RASSF5: variants seen among roughly 807,000 people sequenced by gnomAD.
RASSF5 encodes Ras association domain family member 5, also known as ras association domain-containing protein 5.
Under a neutral mutation model 40.5 loss-of-function variants are expected in RASSF5, and 25 were observed. The observed-to-expected ratio is 0.62, with a 90% confidence interval of 0.45 to 0.86. The LOEUF is 0.86. Ranked by LOEUF, RASSF5 falls within the 40% of genes least tolerant of loss-of-function variation. The pLI, the probability that RASSF5 is intolerant of heterozygous loss-of-function variation, is 0.00. For synonymous variants in RASSF5, 246 were observed against 252.4 expected (o/e 0.97, Z 0.24); for missense variants, 521 against 572.8 (o/e 0.91, Z 0.92).
In RASSF5 at chr1:206,584,661, A is replaced by G; in HGVS notation, c.965A>G (p.Lys322Arg). The change falls in exon 4 of 6, where the codon AAG (lysine) becomes AGG (arginine). Residue 322 changes from lysine (K) to arginine (R), a missense_variant. By Grantham distance (26) the Lys-to-Arg change is conservative. Coordinates refer to ENST00000579436, the MANE Select transcript of RASSF5 (RefSeq NM_182663.4). The surrounding 1 kb of genome is among the most constrained non-coding windows in gnomAD (Gnocchi z 4.9). ...AATCCCCAGAAGTTTGCACTTTTTA[A>G]GCGGATACACAAGGACGGACAAGGT... Reference protein sequence around the residue: ...VDNPQKFALFKRIHKDGQVLF... With the variant: ...VDNPQKFALFRRIHKDGQVLF... 1 of 1,614,216 alleles carries G rather than the reference A, an allele frequency of 6.2e-7. No homozygotes were observed. Among genetic ancestry groups the G allele is most frequent in the Non-Finnish European group, 8.5e-7 (1 of 1,180,034 alleles).
chr1:206,534,193 TG>T (rs1667323856), intron 1 of RASSF5, among the ~76,000 whole-genome samples: 1 of 152,204 alleles, frequency 6.6e-6, no homozygotes, highest in Admixed American at 6.5e-5. Context: ...GGCTCCCTTC[TG>T]GGGAGAGGGG....
intron 1 of RASSF5, among the ~76,000 whole-genome samples, chr1:206,515,642 AGGCAGTGATGTG>A (rs1412614421): frequency 2.0e-5 from 3 of 152,206 alleles, no homozygotes; most frequent in African/African-American, 4.8e-5. Flanking sequence ...CTCTAATCTC[AGGCAGTGATGTG>A]GCCCCATGAG....
intron 2 of RASSF5, among the ~76,000 whole-genome samples, chr1:206,562,660 T>C (rs1962350): frequency 0.56 from 85,452 of 152,012 alleles, 24,241 homozygotes; most frequent in Middle Eastern, 0.68. Context: ...TGGCCGGGCG[T>C]GGTGGCTCAT....
rs56919535 is a variant in RASSF5 at position 206,579,396 on chromosome 1, G to T, written c.580-3873G>T. Among the ~76,000 whole-genome samples the T allele has an allele frequency of 5.4e-3, 824 of 152,288 alleles. 10 individuals carry two copies. Among genetic ancestry groups the T allele is most frequent in the African/African-American group, 0.019 (772 of 41,566 alleles). Reference sequence around the variant, plus strand: ...AACTGTCTGCTTGGTTTCTCGCTTTGTACCCGTGGACAGATCCTTAAGAAT... The same window carrying T: ...AACTGTCTGCTTGGTTTCTCGCTTTTTACCCGTGGACAGATCCTTAAGAAT... On this transcript the variant is annotated intron_variant, in intron 2 of 5. Transcript: ENST00000579436. This position sits in a 1 kb window ranked among gnomAD's most constrained non-coding sequence, Gnocchi z 4.2.
intron 1 of RASSF5, among the ~76,000 whole-genome samples, chr1:206,511,644 A>C (rs874718): frequency 0.57 from 86,451 of 151,494 alleles, 25,350 homozygotes; most frequent in African/African-American, 0.71. Context: ...AAGGGAGGCC[A>C]ACTAACCTCC....
intron 1 of RASSF5, among the ~76,000 whole-genome samples, chr1:206,515,848 T>C (rs1314808206): frequency 6.6e-6 from 1 of 152,138 alleles, no homozygotes; most frequent in Non-Finnish European, 1.5e-5. Context: ...CTGAAAGAAT[T>C]ATGTGGATTA....
intron 1 of RASSF5, chr1:206,529,642 C>A (rs1667186245): frequency 1.3e-6 from 1 of 763,238 alleles, no homozygotes; most frequent in African/African-American, 1.7e-5. Context: ...GGTCCCAAGT[C>A]TGTGGCTCAC....
At chr1:206,567,233 G>A (rs1457810007) in intron 2 of RASSF5, among the ~76,000 whole-genome samples, 10 of 152,164 alleles carry the variant, frequency 6.6e-5, no homozygotes, top group African/African-American at 9.7e-5. Context: ...GAGAGTTGGC[G>A]TGGGTCTTCT....
rs139248208 is a variant in RASSF5 at position 206,509,836 on chromosome 1, C to T, written c.457+1777C>T. 9.9e-3 allele frequency among the ~76,000 whole-genome samples: 1,500 copies of T among 151,952 alleles called. 23 individuals are homozygous for T. Among genetic ancestry groups the T allele is most frequent in the African/African-American group, 0.034 (1,424 of 41,402 alleles). ...GATCCTTACGTCACATCAGAATTGT[C>T]GATCTCCTTTGATTAAGTCATACGT... On this transcript the variant is annotated intron_variant, in intron 1 of 5. Transcript: ENST00000579436.
chr1:206,512,220 G>A (rs1417323798), intron 1 of RASSF5, among the ~76,000 whole-genome samples: 4 of 152,136 alleles, frequency 2.6e-5, no homozygotes, highest in Non-Finnish European at 4.4e-5. Context: ...TCTTGGGCAA[G>A]GTCCTGTTGG....
At chr1:206,542,774 C>T (rs1667578915) in intron 2 of RASSF5, 1 of 152,220 alleles carries the variant, frequency 6.6e-6, no homozygotes, top group Non-Finnish European at 1.5e-5. Context: ...AATAAACTTA[C>T]ATTAAAGGAA....
At chr1:206,539,946 G>A (rs1667503466) in intron 2 of RASSF5, among the ~76,000 whole-genome samples, 1 of 152,182 alleles carries the variant, frequency 6.6e-6, no homozygotes, top group Non-Finnish European at 1.5e-5. Context: ...ACGCCACCCT[G>A]GAGCCTGGCT....
At position 206,586,994 on chromosome 1, in the gene RASSF5, C is replaced by T. The variant is rs2103575626; in HGVS notation, c.*16C>T. The stretch of plus-strand genomic sequence containing the variant: ...ACCTGGGTAACCGGTCCTGCTTCCT[C>T]TCCTCCTGGTGCATTCAGATTTATT... On this transcript the variant is annotated 3_prime_UTR_variant, in exon 6 of 6. Coordinates refer to ENST00000579436, the MANE Select transcript of RASSF5 (RefSeq NM_182663.4). 6.2e-7 allele frequency: 1 copy of T among 1,613,950 alleles called. No individual in the cohort carries two copies. Among genetic ancestry groups the T allele is most frequent in the Non-Finnish European group, 8.5e-7 (1 of 1,179,890 alleles).
Position 206,587,312 on chromosome 1 carries a change from G to A in RASSF5, c.*334G>A. 1 of 353,294 alleles carries A rather than the reference G, an allele frequency of 2.8e-6. No individual in the cohort carries two copies. The highest frequency in any genetic ancestry group is 2.3e-5 in the South Asian group (1 of 43,408). 21.9% of individuals were successfully genotyped at this position (353,294 alleles called of 1,614,324 possible). A position where few individuals can be genotyped will look rare whatever the true frequency, so the allele number is the denominator to read the frequency against. ...CTGGAACCTCACACCAGCCGGCAAA[G>A]GAAGGAAGAAAGGTTTTAGAGCTGT... On this transcript the variant is annotated 3_prime_UTR_variant, in exon 6 of 6. Coordinates refer to ENST00000579436, the MANE Select transcript of RASSF5 (RefSeq NM_182663.4).
chr1:206,518,837 C>T (rs1300858688), intron 1 of RASSF5, among the ~76,000 whole-genome samples: 1 of 150,434 alleles, frequency 6.6e-6, no homozygotes, highest in African/African-American at 2.4e-5. Flanking sequence ...GCCAAGCGGT[C>T]GTCTTAATCA....
chr1:206,583,323 AAGCAGAAGATCG>A lies in RASSF5; in HGVS notation c.636_647del (p.Lys212_Asp216delinsAsn), dbSNP rs782572782. 4 of 1,613,398 alleles carry A rather than the reference AAGCAGAAGATCG, an allele frequency of 2.5e-6. No individual in the cohort carries two copies. The highest frequency in any genetic ancestry group is 3.4e-6 in the Non-Finnish European group (4 of 1,179,672). ...GCGCCCGCCCACACTGCAGGAGATC[AAGCAGAAGATCG>A]ACAGCTACAACACGCGAGAGAAGAA... On this transcript the variant is annotated inframe_deletion, in exon 3 of 6. Transcript: ENST00000579436.
At chr1:206,557,022 T>C (rs947524166) in intron 2 of RASSF5, 34 of 437,178 alleles carry the variant, frequency 7.8e-5, no homozygotes, top group African/African-American at 6.6e-4. Context: ...GTCCCTTCTT[T>C]CCCTGCATCC....
intron 1 of RASSF5, among the ~76,000 whole-genome samples, chr1:206,508,373 G>A (rs577316408): frequency 6.6e-6 from 1 of 150,728 alleles, no homozygotes; most frequent in Non-Finnish European, 1.5e-5. Flanking sequence ...CAGGTTGTGG[G>A]GGGTGGGTGG....
intron 4 of RASSF5, 21 bp from the exon 5 acceptor site, chr1:206,585,159 G>C: frequency 6.3e-7 from 1 of 1,587,462 alleles, no homozygotes; most frequent in Non-Finnish European, 8.6e-7. Flanking sequence ...AGAGCTCCCA[G>C]CACCCTCTCT....
Sources: allele counts gnomAD v4.1 joint callset (sites outside exome capture counted in the v4.1 genomes callset), GRCh38; gene constraint gnomAD v4.1.1; non-coding constraint Gnocchi (gnomAD v3.1); transcripts MANE v1.5; gene names NCBI Gene and HGNC (gene_info 2026-07-23, HGNC 2026-07-21).